Variants in KAT8 observed in about 807,000 individuals in gnomAD.
KAT8 encodes lysine acetyltransferase 8.
In KAT8, 40 loss-of-function variants were observed where a neutral mutation model predicts 62.9. The ratio of observed to expected loss-of-function variants is 0.64; its 90% CI spans 0.49 to 0.83. KAT8 has a LOEUF of 0.83. Ranked by LOEUF, KAT8 falls within the 40% of genes least tolerant of loss-of-function variation. KAT8 has a pLI of 0.00. For synonymous variants in KAT8, 278 were observed against 254.5 expected, an observed-to-expected ratio of 1.09 and a Z score of -0.88; for missense variants, 387 against 614.8, an observed-to-expected ratio of 0.63 and a Z score of 3.92.
At chr16:31,127,464 A>C in intron 5 of KAT8, 111 bp downstream of exon 5, 1 of 1,117,562 alleles carries the variant, frequency 8.9e-7, no homozygotes, top group Non-Finnish European at 1.3e-6. Context: ...GACAGGCCCA[A>C]AGGAGCGAGT....
intron 6 of KAT8, among the ~76,000 whole-genome samples, chr16:31,128,725 G>A (rs1310740617): frequency 2.0e-5 from 3 of 152,216 alleles, no homozygotes; most frequent in African/African-American, 7.2e-5. Flanking sequence ...TTTTAGAAGT[G>A]CTCTCTCCTT....
Position 31,121,434 on chromosome 16 carries a change from T to G in KAT8, c.462+920T>G, listed in dbSNP as rs530150769. Among the ~76,000 whole-genome samples the G allele has an allele frequency of 2.0e-5, 3 of 152,244 alleles. No individual in the cohort carries two copies. The East Asian group carries it at 5.8e-4, about 29-fold the overall frequency. ...CTGCGCCCGGCCTAAGCTAAGTGTT[T>G]TAATACATGACCTCACTGACATTTC... On this transcript the variant is annotated intron_variant, in intron 3 of 10. Transcript: ENST00000219797.
At chr16:31,119,066 A>G (rs1351740132) in intron 1 of KAT8, among the ~76,000 whole-genome samples, 1 of 151,942 alleles carries the variant, frequency 6.6e-6, no homozygotes, top group Non-Finnish European at 1.5e-5. Context: ...CTTTTCACAG[A>G]TGAAGAGACT....
intron 3 of KAT8, among the ~76,000 whole-genome samples, chr16:31,121,794 C>G (rs1243269022): frequency 1.3e-5 from 2 of 151,830 alleles, no homozygotes; most frequent in Admixed American, 1.3e-4. Flanking sequence ...ACTCTATCGT[C>G]TAGGCTGAGT....
At chr16:31,122,856 G>A (rs1196955524) in intron 3 of KAT8, among the ~76,000 whole-genome samples, 2 of 151,240 alleles carry the variant, frequency 1.3e-5, no homozygotes, top group Non-Finnish European at 2.9e-5. Context: ...TCCAGCCTGG[G>A]TGACAGAGTG....
At position 31,130,320 on chromosome 16, in the gene KAT8, C is replaced by T. The variant is rs761507878; in HGVS notation, c.966C>T (p.Pro322=). The change falls in exon 8 of 11, where the codon CCC becomes CCT. Residue 322 remains proline, a synonymous_variant. Coordinates refer to ENST00000219797, the MANE Select transcript of KAT8 (RefSeq NM_032188.3). ...NNVACILTLP[P]YQRRGYGKFL... ...TGGCCTGCATCCTGACCTTGCCCCC[C>T]TACCAACGCCGCGGCTACGGGAAGT... 1.2e-6 allele frequency: 2 copies of T among 1,614,210 alleles called. No homozygotes were observed. The highest frequency in any genetic ancestry group is 3.3e-5 in the Admixed American group (2 of 60,034).
intron 1 of KAT8, among the ~76,000 whole-genome samples, chr16:31,119,587 T>C (rs992256220): frequency 6.6e-6 from 1 of 152,218 alleles, no homozygotes; most frequent in African/African-American, 2.4e-5. Flanking sequence ...TATTAGCTCT[T>C]ACCACTTTTC....
At chr16:31,127,693 G>A (rs2057543070) in intron 5 of KAT8, among the ~76,000 whole-genome samples, 1 of 152,242 alleles carries the variant, frequency 6.6e-6, no homozygotes, top group Admixed American at 6.5e-5. Context: ...ATTGGGGGCT[G>A]TCAGGAAGGG....
At chr16:31,118,007 A>C in intron 1 of KAT8, 115 bp downstream of exon 1, 1 of 769,772 alleles carries the variant, frequency 1.3e-6, no homozygotes, top group Non-Finnish European at 1.8e-6. Flanking sequence ...AGTGGAGAGG[A>C]GGAGGGGCGG....
At position 31,130,034 on chromosome 16, in the gene KAT8, G is replaced by T; in HGVS notation, c.789G>T (p.Leu263=). The change falls in exon 7 of 11, where the codon CTG becomes CTT. Residue 263 remains leucine, a synonymous_variant. Coordinates refer to ENST00000219797, the MANE Select transcript of KAT8 (RefSeq NM_032188.3). ...AACCCTAGATTTACTGTCAGAACCT[G>T]TGTCTGCTGGCCAAGCTTTTCCTGG... ...GKDHKIYCQN[L]CLLAKLFLDH... 2 of 1,614,214 alleles carry T rather than the reference G, an allele frequency of 1.2e-6. No individual in the cohort carries two copies. Among genetic ancestry groups the T allele is most frequent in the Non-Finnish European group, 1.7e-6 (2 of 1,180,046 alleles).
intron 3 of KAT8, among the ~76,000 whole-genome samples, chr16:31,124,391 C>T (rs2057519083): frequency 6.6e-6 from 1 of 152,190 alleles, no homozygotes; most frequent in Non-Finnish European, 1.5e-5. Flanking sequence ...CCTGTAATCC[C>T]AGCACTCTGG....
Position 31,117,692 on chromosome 16 carries a change from A to T in KAT8, c.11A>T (p.Gln4Leu). 1 of 1,397,334 alleles carries T rather than the reference A, an allele frequency of 7.2e-7. No individual in the cohort carries two copies. Among genetic ancestry groups the T allele is most frequent in the Non-Finnish European group, 9.3e-7 (1 of 1,070,720 alleles). The allele number at this position is 1,397,334 out of a possible 1,614,324, so 86.6% of individuals were successfully genotyped here. A position where few individuals can be genotyped will look rare whatever the true frequency, so the allele number is the denominator to read the frequency against. ...ACTTCCCTTCCCGCGATGGCGGCAC[A>T]GGGAGCTGCTGCGGCGGTTGCGGCG... MAA[Q>L]GAAAAVAAGT... is the part of the protein sequence containing the mutation. Residue 4 changes from glutamine to leucine, a missense_variant, in exon 1 of 11, where the codon CAG (glutamine) becomes CTG (leucine). Transcript: ENST00000219797.
intron 10 of KAT8, 70 bp from the exon 11 acceptor site, chr16:31,131,125 G>A: frequency 1.3e-6 from 2 of 1,597,106 alleles, no homozygotes; most frequent in Non-Finnish European, 1.7e-6. Flanking sequence ...CCTGAGCCCA[G>A]AGGAGGGCAG....
chr16:31,126,123 C>T (rs1241243703), intron 3 of KAT8: 1 of 152,278 alleles, frequency 6.6e-6, no homozygotes, highest in Non-Finnish European at 1.5e-5. Flanking sequence ...TCACCTGACT[C>T]ATGCTCCGTG....
Position 31,117,745 on chromosome 16 carries a change from G to A in KAT8, c.64G>A (p.Glu22Lys), listed in dbSNP as rs1243427163. ...AGTSGVAGEG[E>K]PGPGENAAAE... is the part of the protein sequence containing the mutation. ...GACTTCAGGGGTCGCGGGGGAGGGC[G>A]AGCCCGGGCCCGGGGAGAATGCGGC... is the stretch of plus-strand genomic sequence containing the variant. Residue 22 changes from glutamate (E) to lysine (K), a missense_variant, in exon 1 of 11, where the codon GAG becomes AAG. Transcript: ENST00000219797. 9 of 1,379,872 alleles carry A rather than the reference G, an allele frequency of 6.5e-6. No homozygotes were observed. The highest frequency in any genetic ancestry group is 7.0e-5 in the Admixed American group (2 of 28,614). 85.5% of individuals were successfully genotyped at this position (1,379,872 alleles called of 1,614,324 possible). A position where few individuals can be genotyped will look rare whatever the true frequency, so the allele number is the denominator to read the frequency against.
intron 3 of KAT8, among the ~76,000 whole-genome samples, chr16:31,123,232 T>A (rs2057510382): frequency 6.6e-6 from 1 of 152,200 alleles, no homozygotes; most frequent in African/African-American, 2.4e-5. Context: ...TTTTTATTTT[T>A]TCGAGACAGA....
At chr16:31,119,663 A>AG (rs1182109912) in intron 1 of KAT8, among the ~76,000 whole-genome samples, 6 of 151,758 alleles carry the variant, frequency 4.0e-5, no homozygotes, top group Admixed American at 3.9e-4. Flanking sequence ...TTTGAGACAG[A>AG]GTCTTGCTCT....
intron 1 of KAT8, chr16:31,118,249 C>T (rs565639486): frequency 1.3e-4 from 26 of 205,714 alleles, no homozygotes; most frequent in African/African-American, 5.7e-4. Flanking sequence ...TTGTCCCTGG[C>T]AGCCATCCGC....
intron 3 of KAT8, among the ~76,000 whole-genome samples, chr16:31,124,731 CAAAAAAAAAAA>C (rs551229166): frequency 3.3e-5 from 2 of 61,076 alleles, no homozygotes; most frequent in Non-Finnish European, 6.1e-5. Context: ...GGCTCCATTT[CAAAAAAAAAAA>C]AAAAAAAAAG....
Sources: allele counts gnomAD v4.1 joint callset (sites outside exome capture counted in the v4.1 genomes callset), GRCh38; gene constraint gnomAD v4.1.1; transcripts MANE v1.5; gene names NCBI Gene and HGNC (gene_info 2026-07-23, HGNC 2026-07-21).